Variants in GRIN3A observed in about 807,000 individuals in gnomAD.
GRIN3A encodes the protein glutamate receptor ionotropic, NMDA 3A.
A neutral mutation model predicts 92.4 loss-of-function variants in GRIN3A; 47 were observed. The observed-to-expected ratio is 0.51, with a 90% CI of 0.40 to 0.65. The LOEUF is 0.65. Among genes scored for constraint, GRIN3A ranks in the 30% least tolerant of loss-of-function variants. GRIN3A has a pLI of 0.00. For missense variants in GRIN3A, 1,324 were observed against 1,393.1 expected (o/e 0.95, Z 0.79); for synonymous variants, 527 against 540.6 (o/e 0.97, Z 0.35).
chr9:101,700,560 A>C (rs1829739829), intron 1 of GRIN3A, among the ~76,000 whole-genome samples: 1 of 152,162 alleles, frequency 6.6e-6, no homozygotes, highest in African/African-American at 2.4e-5. Flanking sequence ...TTTACTTTAT[A>C]CTAAAGATGG....
intron 1 of GRIN3A, among the ~76,000 whole-genome samples, chr9:101,708,745 A>G (rs1588292512): frequency 1.3e-5 from 2 of 152,202 alleles, no homozygotes; most frequent in Non-Finnish European, 2.9e-5. Flanking sequence ...TGACATTTTT[A>G]TGCTAGATGA....
intron 8 of GRIN3A, among the ~76,000 whole-genome samples, chr9:101,573,773 ATTTTTTTTTTTT>A (rs5899448): frequency 1.1e-5 from 1 of 92,602 alleles, no homozygotes; most frequent in African/African-American, 4.2e-5. Context: ...GGTATGGTGC[ATTTTTTTTTTTT>A]TTTTTTTTTT....
At chr9:101,628,127 A>T in intron 4 of GRIN3A, 129 bp downstream of exon 4, 2 of 814,418 alleles carry the variant, frequency 2.5e-6, no homozygotes, top group Non-Finnish European at 4.0e-6. Context: ...CACACAGTGT[A>T]AAGTATTACT....
rs73496761 is a variant in GRIN3A at position 101,629,421 on chromosome 9, G to A, written c.2353-1020C>T. 9.1e-3 allele frequency among the ~76,000 whole-genome samples: 1,380 copies of A among 152,144 alleles called. 26 individuals are homozygous for A. The highest frequency in any genetic ancestry group is 0.032 in the African/African-American group (1,312 of 41,490). ...AAAATATTTTAAAATCAGCAAAATC[G>A]TTCATTTATTCAACACTTATTGAAG... On this transcript the variant is annotated intron_variant, in intron 3 of 8. Transcript: ENST00000361820.
At chr9:101,578,849 A>G (rs1827857304) in intron 7 of GRIN3A, among the ~76,000 whole-genome samples, 1 of 152,194 alleles carries the variant, frequency 6.6e-6, no homozygotes, top group Admixed American at 6.5e-5. Context: ...AAACTCACGT[A>G]ATAGGTTTCA....
At chr9:101,603,629 G>C (rs908945376) in intron 6 of GRIN3A, among the ~76,000 whole-genome samples, 1 of 152,140 alleles carries the variant, frequency 6.6e-6, no homozygotes, top group Non-Finnish European at 1.5e-5. Flanking sequence ...CTACAAGCCC[G>C]AGCACAGGAA....
At chr9:101,678,545 T>C (rs1482092775) in intron 2 of GRIN3A, among the ~76,000 whole-genome samples, 1 of 152,190 alleles carries the variant, frequency 6.6e-6, no homozygotes, top group African/African-American at 2.4e-5. Context: ...TAGTAATATA[T>C]TAAACATATA....
At chr9:101,699,079 A>G (rs1253128311) in intron 1 of GRIN3A, among the ~76,000 whole-genome samples, 2 of 152,188 alleles carry the variant, frequency 1.3e-5, no homozygotes, top group Non-Finnish European at 2.9e-5. Flanking sequence ...ACAGTATAAA[A>G]CACATCGTAG....
At chr9:101,634,588 A>G (rs1180038858) in intron 3 of GRIN3A, among the ~76,000 whole-genome samples, 1 of 152,080 alleles carries the variant, frequency 6.6e-6, no homozygotes, top group Non-Finnish European at 1.5e-5. Flanking sequence ...GATGATCAGA[A>G]AGTGATAAAG....
chr9:101,689,925 C>T (rs974335787), intron 1 of GRIN3A, among the ~76,000 whole-genome samples: 5 of 152,124 alleles, frequency 3.3e-5, no homozygotes, highest in Non-Finnish European at 7.3e-5. Flanking sequence ...AAAGAGCAAG[C>T]TCATGGCCTG....
At chr9:101,689,427 G>A (rs1829583947) in intron 1 of GRIN3A, among the ~76,000 whole-genome samples, 4 of 152,082 alleles carry the variant, frequency 2.6e-5, no homozygotes, top group Admixed American at 2.6e-4. Context: ...TTTAGTATTA[G>A]ACAGAGAAAC....
At chr9:101,616,861 T>A (rs138421991) in intron 5 of GRIN3A, among the ~76,000 whole-genome samples, 1,488 of 134,948 alleles carry the variant, frequency 0.011, 13 homozygotes, top group African/African-American at 0.04. Flanking sequence ...CTGCACAATG[T>A]GCACATGTAC....
intron 6 of GRIN3A, among the ~76,000 whole-genome samples, chr9:101,587,326 A>AC (rs1244024617): frequency 6.6e-6 from 1 of 151,400 alleles, no homozygotes; most frequent in Non-Finnish European, 1.5e-5. Context: ...AAAAAAAAAA[A>AC]ATCTGTTGCT....
At chr9:101,678,389 T>G (rs1829425850) in intron 2 of GRIN3A, among the ~76,000 whole-genome samples, 1 of 152,120 alleles carries the variant, frequency 6.6e-6, no homozygotes, top group Admixed American at 6.5e-5. Context: ...GAGAAGGAGT[T>G]TAATAGGGTT....
chr9:101,704,360 T>C (rs1829788514), intron 1 of GRIN3A, among the ~76,000 whole-genome samples: 1 of 152,224 alleles, frequency 6.6e-6, no homozygotes, highest in Non-Finnish European at 1.5e-5. Context: ...CTCATGTTTC[T>C]AGGCAATATA....
At chr9:101,609,345 T>G (rs965707703) in intron 6 of GRIN3A, among the ~76,000 whole-genome samples, 1 of 152,234 alleles carries the variant, frequency 6.6e-6, no homozygotes, top group Non-Finnish European at 1.5e-5. Flanking sequence ...TTAGTACTTC[T>G]ATTATTTACT....
chr9:101,693,537 A>G (rs979848996), intron 1 of GRIN3A, among the ~76,000 whole-genome samples: 8 of 152,144 alleles, frequency 5.3e-5, no homozygotes, highest in African/African-American at 1.7e-4. Context: ...TGTGCAGTAG[A>G]TCCTTGACAT....
intron 1 of GRIN3A, among the ~76,000 whole-genome samples, chr9:101,693,043 T>G (rs1337679): frequency 0.13 from 19,991 of 151,968 alleles, 1,799 homozygotes; most frequent in African/African-American, 0.26. Context: ...ATCATCCCCC[T>G]TTAATAGAAG....
At chr9:101,669,761 T>G in intron 3 of GRIN3A, among the ~76,000 whole-genome samples, 1 of 131,352 alleles carries the variant, frequency 7.6e-6, no homozygotes, top group South Asian at 2.4e-4. Flanking sequence ...CTGATAGGTG[T>G]GCTATCTATC....
Sources: gnomAD v4.1 joint callset for allele counts (sites outside exome capture counted in the v4.1 genomes callset) on GRCh38, gnomAD v4.1.1 for gene constraint, MANE v1.5 for transcripts, NCBI Gene and HGNC (gene_info 2026-07-23, HGNC 2026-07-21) for gene names.